The following VCPIP1 variants were observed in gnomAD, a reference collection of about 807,000 sequenced individuals.
VCPIP1 encodes valosin containing protein interacting protein 1.
VCPIP1 carries 8 observed loss-of-function variants against 85.0 expected under a neutral mutation model. The ratio of observed to expected loss-of-function variants is 0.09; its 90% confidence interval spans 0.06 to 0.17. The LOEUF (loss-of-function observed/expected upper bound fraction) is 0.17. Among genes scored for constraint, VCPIP1 ranks in the 10% least tolerant of loss-of-function variants. The pLI is 1.00. For missense variants in VCPIP1, 1,070 were observed against 1,486.3 expected (o/e 0.72, Z 4.61); for synonymous variants, 543 against 544.5 (o/e 1.00, Z 0.04).
Position 66,666,941 on chromosome 8 carries a change from C to T in VCPIP1, c.18G>A (p.Pro6=). Residue 6 remains proline, a synonymous_variant, in exon 1 of 3, where the codon CCG becomes CCA. Transcript: ENST00000310421. This position sits in a 1 kb window ranked among gnomAD's most constrained non-coding sequence, Gnocchi z 6.3. MSQPP[P]PPPPLPPPPP... ...GTGGCGGCGGCAACGGAGGCGGCGG[C>T]GGCGGCGGCTGAGACATAGCTCCTG... The T allele has an allele frequency of 6.3e-7, 1 of 1,576,636 alleles. No individual in the cohort carries two copies. Among genetic ancestry groups the T allele is most frequent in the Non-Finnish European group, 8.6e-7 (1 of 1,167,238 alleles).
intron 2 of VCPIP1, among the ~76,000 whole-genome samples, chr8:66,636,013 G>A (rs1810882710): frequency 6.6e-6 from 1 of 151,510 alleles, no homozygotes; most frequent in Non-Finnish European, 1.5e-5. Context: ...GATCACTTGA[G>A]GTCAGGAGTT....
intron 2 of VCPIP1, among the ~76,000 whole-genome samples, chr8:66,638,602 A>G (rs1810912913): frequency 6.6e-6 from 1 of 152,034 alleles, no homozygotes; most frequent in Admixed American, 6.6e-5. Context: ...ACACGGTGAA[A>G]CCTCATCTCT....
chr8:66,636,704 A>C (rs572261996), intron 2 of VCPIP1, among the ~76,000 whole-genome samples: 2 of 152,116 alleles, frequency 1.3e-5, no homozygotes, highest in Admixed American at 6.5e-5. Context: ...AGATTGCACC[A>C]CTGCACTCCA....
At chr8:66,648,987 T>C (rs1811025279) in intron 2 of VCPIP1, among the ~76,000 whole-genome samples, 3 of 151,956 alleles carry the variant, frequency 2.0e-5, no homozygotes, top group South Asian at 4.1e-4. Context: ...TAGTGAGACC[T>C]TGTCTCTACA....
In VCPIP1 at chr8:66,634,759, A is replaced by G. The variant is rs774399170; in HGVS notation, c.3411T>C (p.Pro1137=). 8 of 1,614,126 alleles carry G rather than the reference A, an allele frequency of 5.0e-6. No homozygotes were observed. Among genetic ancestry groups the G allele is most frequent in the Non-Finnish European group, 3.4e-6 (4 of 1,180,044 alleles). The change falls in exon 3 of 3, where the codon CCT becomes CCC. Residue 1137 remains proline (P), a synonymous_variant. Coordinates refer to ENST00000310421, the MANE Select transcript of VCPIP1 (RefSeq NM_025054.5). ...QSTEQSPSDL[P]QRKTEVVSSS... is the part of the protein sequence containing the mutation. ...AACTCACAACTTCTGTTTTCCTTTG[A>G]GGAAGATCAGATGGTGACTGCTCTG...
rs143087127 is a variant in VCPIP1 at position 66,634,754 on chromosome 8, C to T, written c.3416G>A (p.Arg1139Lys). The change falls in exon 3 of 3, where the codon AGG becomes AAG. Residue 1139 changes from arginine to lysine, a missense_variant. This residue lies in a region of VCPIP1 where 255 missense variants were observed against 289.5 expected (regional missense o/e 0.88). Transcript: ENST00000310421. ...TEQSPSDLPQ[R>K]KTEVVSSSAK... is the part of the protein sequence containing the mutation. ...AGAAGAACTCACAACTTCTGTTTTCCTTTGAGGAAGATCAGATGGTGACTG... is the reference window on the plus strand; with the variant it reads ...AGAAGAACTCACAACTTCTGTTTTCTTTTGAGGAAGATCAGATGGTGACTG... 1.8e-4 allele frequency: 286 copies of T among 1,614,078 alleles called. 1 individual carries two copies. The highest frequency in any genetic ancestry group is 2.3e-4 in the Non-Finnish European group (268 of 1,180,046).
At chr8:66,650,886 AAAAG>A in intron 2 of VCPIP1, among the ~76,000 whole-genome samples, 1 of 149,390 alleles carries the variant, frequency 6.7e-6, no homozygotes, top group Non-Finnish European at 1.5e-5. Context: ...AAAAAAAAAA[AAAAG>A]AATCATACAC....
chr8:66,656,326 C>G (rs780997964), intron 1 of VCPIP1, among the ~76,000 whole-genome samples: 6 of 152,062 alleles, frequency 3.9e-5, no homozygotes, highest in Non-Finnish European at 5.9e-5. Context: ...TCCTGAGTAG[C>G]TAGGACTACA....
chr8:66,653,826 T>A (rs1178510943), intron 1 of VCPIP1, among the ~76,000 whole-genome samples: 2 of 152,348 alleles, frequency 1.3e-5, no homozygotes, highest in Admixed American at 1.3e-4. Context: ...ATTACACAGA[T>A]ATACCTTATA....
intron 1 of VCPIP1, among the ~76,000 whole-genome samples, chr8:66,658,720 C>G (rs1318768631): frequency 6.6e-6 from 1 of 152,074 alleles, no homozygotes; most frequent in African/African-American, 2.4e-5. Flanking sequence ...AACTCCTGAC[C>G]TCATGATCCA....
At chr8:66,661,507 G>A (rs1033856615) in intron 1 of VCPIP1, among the ~76,000 whole-genome samples, 12 of 151,968 alleles carry the variant, frequency 7.9e-5, no homozygotes, top group African/African-American at 1.5e-4. Flanking sequence ...AGGCCGAGGC[G>A]GGCGGTTCAT....
At chr8:66,651,402 T>C (rs1811052516) in intron 2 of VCPIP1, 56 bp downstream of exon 2, 3 of 1,341,690 alleles carry the variant, frequency 2.2e-6, no homozygotes, top group Non-Finnish European at 3.1e-6. Flanking sequence ...ACTTTCTTAA[T>C]CTTAAAACAG....
In VCPIP1 at chr8:66,628,561, TGAAA is replaced by T. The variant is rs1810801505; in HGVS notation, c.*5936_*5939del. The T allele has an allele frequency of 6.6e-6, 1 of 152,232 alleles. No homozygotes were observed. The highest frequency in any genetic ancestry group is 2.4e-5 in the African/African-American group (1 of 41,448). 9.4% of individuals were successfully genotyped at this position (152,232 alleles called of 1,614,324 possible). On this transcript the variant is annotated 3_prime_UTR_variant, in exon 3 of 3. Transcript: ENST00000310421. ...AGTCAGAATTGCAGTTGCTGGGGTC[TGAAA>T]GAGCCAGACAATAAAAATAAAATCC... is the stretch of plus-strand genomic sequence containing the variant.
Position 66,667,065 on chromosome 8 carries a change from A to G in VCPIP1, c.-107T>C, listed in dbSNP as rs963874084. 6.5e-5 allele frequency: 92 copies of G among 1,409,258 alleles called. No homozygotes were observed. The highest frequency in any genetic ancestry group is 8.0e-5 in the Non-Finnish European group (87 of 1,085,232). 87.3% of individuals were successfully genotyped at this position (1,409,258 alleles called of 1,614,324 possible). A position where few individuals can be genotyped will look rare whatever the true frequency, so the allele number is the denominator to read the frequency against. On this transcript the variant is annotated 5_prime_UTR_variant, in exon 1 of 3. Transcript: ENST00000310421. ...GTCCAGTCCAGGCCCAGGGCGAAGC[A>G]CTTTCCTTTCCCTACCAGCTCTTCC...
intron 2 of VCPIP1, among the ~76,000 whole-genome samples, chr8:66,650,168 T>C (rs1289542437): frequency 6.6e-6 from 1 of 152,192 alleles, no homozygotes; most frequent in African/African-American, 2.4e-5. Flanking sequence ...GGTGAAATTA[T>C]AGTATATCTG....
Position 66,633,653 on chromosome 8 carries a change from A to C in VCPIP1, c.*848T>G, listed in dbSNP as rs767140799. 1 of 152,114 alleles carries C rather than the reference A, an allele frequency of 6.6e-6. No homozygotes were observed. Among genetic ancestry groups the C allele is most frequent in the Non-Finnish European group, 1.5e-5 (1 of 67,996 alleles). The allele number at this position is 152,114 out of a possible 1,614,324, so 9.4% of individuals were successfully genotyped here. A position where few individuals can be genotyped will look rare whatever the true frequency, so the allele number is the denominator to read the frequency against. Reference sequence around the variant, plus strand: ...CACTGATCAAAATTGTAGAACAATTAACTCATTCATAAAGATAAACTCTTA... The same window carrying C: ...CACTGATCAAAATTGTAGAACAATTCACTCATTCATAAAGATAAACTCTTA... On this transcript the variant is annotated 3_prime_UTR_variant, in exon 3 of 3. Coordinates refer to ENST00000310421, the MANE Select transcript of VCPIP1 (RefSeq NM_025054.5).
In VCPIP1 at chr8:66,664,989, T is replaced by G. The variant is rs750840537; in HGVS notation, c.1970A>C (p.Lys657Thr). 6.2e-7 allele frequency: 1 copy of G among 1,613,498 alleles called. No individual in the cohort carries two copies. The highest frequency in any genetic ancestry group is 2.2e-5 in the East Asian group (1 of 44,866). The change falls in exon 1 of 3, where the codon AAA (lysine) becomes ACA (threonine). Residue 657 changes from lysine to threonine, a missense_variant. Lys to Thr is a moderately conservative substitution (Grantham distance 78). This residue lies in a region of VCPIP1 where 278 missense variants were observed against 298.5 expected (regional missense o/e 0.93). Transcript: ENST00000310421. ...VVHTILHQTA[K>T]KNPDDYTPVN... ...AGGAGTATAATCATCGGGATTCTTTTTGGCAGTCTGATGCAATATAGTGTG... is the reference window on the plus strand; with the variant it reads ...AGGAGTATAATCATCGGGATTCTTTGTGGCAGTCTGATGCAATATAGTGTG...
At chr8:66,645,452 T>G (rs1358672227) in intron 2 of VCPIP1, among the ~76,000 whole-genome samples, 1 of 152,038 alleles carries the variant, frequency 6.6e-6, no homozygotes, top group Admixed American at 6.6e-5. Flanking sequence ...AAAGCCAATT[T>G]TATTTCTATG....
At chr8:66,638,970 C>CTCTATATATATATA in intron 2 of VCPIP1, among the ~76,000 whole-genome samples, 5 of 118,438 alleles carry the variant, frequency 4.2e-5, no homozygotes, top group African/African-American at 1.9e-4. Flanking sequence ...CTCTCTCTCT[C>CTCTATATATATATA]TATATATATA....
Sources: gnomAD v4.1 joint callset for allele counts (sites outside exome capture counted in the v4.1 genomes callset) on GRCh38, gnomAD v4.1.1 for gene constraint, gnomAD v4.1.1 regional missense constraint, Gnocchi (gnomAD v3.1) non-coding constraint, MANE v1.5 for transcripts, NCBI Gene and HGNC (gene_info 2026-07-23, HGNC 2026-07-21) for gene names.